The following RSL1D1 variants were observed in gnomAD, a reference collection of about 807,000 sequenced individuals.
RSL1D1 encodes ribosomal L1 domain-containing protein 1.
Under a neutral mutation model 44.6 loss-of-function variants are expected in RSL1D1, and 34 were observed. The ratio of observed to expected loss-of-function variants is 0.76; its 90% CI spans 0.58 to 1.02. The LOEUF (loss-of-function observed/expected upper bound fraction) is 1.02. RSL1D1 is among the 50% of genes least tolerant of loss of function. The pLI, the probability that RSL1D1 is intolerant of heterozygous loss-of-function variation, is 0.00. For synonymous variants in RSL1D1, 271 were observed against 207.4 expected (o/e 1.31, Z -2.63); for missense variants, 767 against 568.1 (o/e 1.35, Z -3.56).
Position 11,836,008 on chromosome 16 carries a change from G to A in RSL1D1, c.*1779C>T, listed in dbSNP as rs530035911. ...GAATGTCTAGACTTGCTGGCTCCTT[G>A]CTCTCCCAGGATCGACTGTAACTTG... On this transcript the variant is annotated 3_prime_UTR_variant, in exon 9 of 9. Coordinates refer to ENST00000571133, the MANE Select transcript of RSL1D1 (RefSeq NM_015659.3). 14 of 152,238 alleles carry A rather than the reference G, an allele frequency of 9.2e-5. No individual in the cohort carries two copies. The highest frequency in any genetic ancestry group is 3.4e-4 in the African/African-American group (14 of 41,552). 9.4% of individuals were successfully genotyped at this position (152,238 alleles called of 1,614,324 possible).
intron 5 of RSL1D1, among the ~76,000 whole-genome samples, chr16:11,844,194 G>T (rs373023124): frequency 3.3e-5 from 5 of 152,228 alleles, no homozygotes; most frequent in Middle Eastern, 3.4e-3. Context: ...GAAAGATGGT[G>T]GGGGGGAAGA....
intron 5 of RSL1D1, among the ~76,000 whole-genome samples, chr16:11,842,875 C>T (rs535274880): frequency 7.2e-5 from 11 of 151,740 alleles, no homozygotes; most frequent in African/African-American, 2.7e-4. Context: ...CCTGCCTCAG[C>T]CTCCCTAGTA....
Position 11,840,424 on chromosome 16 carries a change from G to C in RSL1D1, c.856-439C>G, listed in dbSNP as rs544560952. Among the ~76,000 whole-genome samples the C allele has an allele frequency of 4.6e-5, 7 of 152,156 alleles. No individual in the cohort carries two copies. The South Asian group carries it at 1.5e-3, about 32-fold the overall frequency. On this transcript the variant is annotated intron_variant, in intron 7 of 8. Coordinates refer to ENST00000571133, the MANE Select transcript of RSL1D1 (RefSeq NM_015659.3). ...CTATTAAAACCACAAAAATTAGCTG[G>C]GCATGGTGATACGTGCCTGTAGTTC...
intron 2 of RSL1D1, 62 bp from the exon 3 acceptor site, chr16:11,847,868 TCA>T: frequency 6.7e-7 from 1 of 1,485,358 alleles, no homozygotes; most frequent in South Asian, 1.2e-5. Flanking sequence ...CATGTTTGTA[TCA>T]CACAGAATAC....
chr16:11,834,592 A>C lies in RSL1D1; in HGVS notation c.*3195T>G, dbSNP rs988461089. 2.6e-5 allele frequency: 4 copies of C among 152,216 alleles called. No individual in the cohort carries two copies. The highest frequency in any genetic ancestry group is 5.9e-5 in the Non-Finnish European group (4 of 68,042). 9.4% of individuals were successfully genotyped at this position (152,216 alleles called of 1,614,324 possible). A position where few individuals can be genotyped will look rare whatever the true frequency, so the allele number is the denominator to read the frequency against. On this transcript the variant is annotated 3_prime_UTR_variant, in exon 9 of 9. Transcript: ENST00000571133. ...GCAGAGAACAGACTGGCACGATTAC[A>C]TATGTGGGTTTGTCCTACACAAACC...
At chr16:11,841,860 T>C (rs201155386) in intron 6 of RSL1D1, 40 bp from the exon 7 acceptor site, 5 of 1,612,010 alleles carry the variant, frequency 3.1e-6, no homozygotes, top group African/African-American at 1.3e-5. Context: ...ACATATACTT[T>C]GTTTCTTTTA....
At position 11,834,817 on chromosome 16, in the gene RSL1D1, T is replaced by C. The variant is rs2053705504; in HGVS notation, c.*2970A>G. 1 of 152,234 alleles carries C rather than the reference T, an allele frequency of 6.6e-6. No individual in the cohort carries two copies. Among genetic ancestry groups the C allele is most frequent in the East Asian group, 1.9e-4 (1 of 5,200 alleles). The allele number at this position is 152,234 out of a possible 1,614,324, so 9.4% of individuals were successfully genotyped here. ...AAGTTAACATTACAATTTGTGTTACTAAAATGCAAAAACAGGATTGGCATG... is the reference window on the plus strand; with the variant it reads ...AAGTTAACATTACAATTTGTGTTACCAAAATGCAAAAACAGGATTGGCATG... On this transcript the variant is annotated 3_prime_UTR_variant, in exon 9 of 9. Transcript: ENST00000571133.
intron 1 of RSL1D1, 194 bp downstream of exon 1, chr16:11,851,214 G>T: frequency 1.6e-6 from 1 of 640,632 alleles, no homozygotes; most frequent in Non-Finnish European, 2.8e-6. Flanking sequence ...ACTAGCGCCA[G>T]GCCGCAGGAC....
intron 5 of RSL1D1, among the ~76,000 whole-genome samples, chr16:11,842,800 G>A (rs1438293850): frequency 6.6e-6 from 1 of 151,810 alleles, no homozygotes; most frequent in Non-Finnish European, 1.5e-5. Context: ...CTGTCGCCCA[G>A]GCTGAAGTGC....
chr16:11,846,409 A>G (rs2053798803), intron 5 of RSL1D1, 92 bp downstream of exon 5: 6 of 775,350 alleles, frequency 7.7e-6, no homozygotes, highest in South Asian at 3.6e-5. Context: ...AAAAAAAACA[A>G]AAACAAAAAA....
Position 11,841,619 on chromosome 16 carries a change from A to G in RSL1D1, c.855+76T>C, listed in dbSNP as rs1182206359. ...ATAACTGAAAAGTCGGGCAGCGATG[A>G]TGGTCTACTTCTCTCCTAGTGACTG... On this transcript the variant is annotated intron_variant, in intron 7 of 8. Coordinates refer to ENST00000571133, the MANE Select transcript of RSL1D1 (RefSeq NM_015659.3). 2.5e-5 allele frequency: 34 copies of G among 1,369,312 alleles called. No homozygotes were observed. In the Admixed American group the frequency reaches 7.0e-4, roughly 28 times the overall value. The allele number at this position is 1,369,312 out of a possible 1,614,324, so 84.8% of individuals were successfully genotyped here.
At chr16:11,846,647 C>T (rs1219059367) in intron 4 of RSL1D1, 45 bp from the exon 5 acceptor site, 3 of 1,609,674 alleles carry the variant, frequency 1.9e-6, no homozygotes, top group South Asian at 2.2e-5. Context: ...TGCATACACA[C>T]CTAGAAGCTT....
intron 3 of RSL1D1, 94 bp from the exon 4 acceptor site, chr16:11,846,937 T>A: frequency 8.9e-7 from 1 of 1,128,664 alleles, no homozygotes; most frequent in Admixed American, 2.0e-5. Flanking sequence ...GATTTAAAAA[T>A]GTCCTAGAGC....
In RSL1D1 at chr16:11,835,661, T is replaced by C. The variant is rs2053711185; in HGVS notation, c.*2126A>G. 1 of 152,220 alleles carries C rather than the reference T, an allele frequency of 6.6e-6. No individual in the cohort carries two copies. The highest frequency in any genetic ancestry group is 1.5e-5 in the Non-Finnish European group (1 of 68,072). The allele number at this position is 152,220 out of a possible 1,614,324, so 9.4% of individuals were successfully genotyped here. On this transcript the variant is annotated 3_prime_UTR_variant, in exon 9 of 9. Coordinates refer to ENST00000571133, the MANE Select transcript of RSL1D1 (RefSeq NM_015659.3). ...GGCATGTTCCACCACACCCAGCTTA[T>C]TTTTGGTAAAGATGGGGTTTTGCCA...
intron 1 of RSL1D1, among the ~76,000 whole-genome samples, 163 bp from the exon 2 acceptor site, chr16:11,850,581 TAGG>T (rs927498465): frequency 1.7e-4 from 26 of 152,304 alleles, no homozygotes; most frequent in African/African-American, 5.1e-4. Flanking sequence ...CCGTATCTAT[TAGG>T]ATCCTGCAGT....
chr16:11,840,752 C>T (rs948891701), intron 7 of RSL1D1, among the ~76,000 whole-genome samples: 3 of 152,088 alleles, frequency 2.0e-5, no homozygotes, highest in Admixed American at 6.6e-5. Flanking sequence ...GCATAACCTC[C>T]GACATCCAAA....
rs780538952 is a variant in RSL1D1, at chr16:11,834,674, T to C, written c.*3113A>G. 2.0e-5 allele frequency: 3 copies of C among 152,224 alleles called. No homozygotes were observed. Among genetic ancestry groups the C allele is most frequent in the Admixed American group, 6.5e-5 (1 of 15,282 alleles). 9.4% of individuals were successfully genotyped at this position (152,224 alleles called of 1,614,324 possible). The stretch of plus-strand genomic sequence containing the variant: ...ATCTTCCCATAAAACCTAGTTTCTA[T>C]GGAAAACAATCAATTAAGCTAAACC... On this transcript the variant is annotated 3_prime_UTR_variant, in exon 9 of 9. Transcript: ENST00000571133.
chr16:11,843,420 T>C (rs976206130), intron 5 of RSL1D1, among the ~76,000 whole-genome samples: 2 of 151,750 alleles, frequency 1.3e-5, no homozygotes, highest in African/African-American at 2.4e-5. Context: ...GTTAGGCGCA[T>C]TGGGAGGCAG....
rs570052197 is a variant in RSL1D1 at position 11,846,842 on chromosome 16, A to T, written c.386T>A (p.Ile129Asn). ...CTTCTTTAGAGTTTGGAGGGAGATAATCTAGGAAGTATAGAGAAGAATAAA... is the reference window on the plus strand; with the variant it reads ...CTTCTTTAGAGTTTGGAGGGAGATATTCTAGGAAGTATAGAGAAGAATAAA... ...NKHGIKTVSQIISLQTLKKEY... is the reference protein window; with the variant it reads ...NKHGIKTVSQNISLQTLKKEY... Residue 129 changes from isoleucine to asparagine, a missense_variant and splice_region_variant, in exon 4 of 9, where the codon ATT (isoleucine) becomes AAT (asparagine). By Grantham distance (149) the Ile-to-Asn change is moderately radical. Transcript: ENST00000571133. 6.2e-7 allele frequency: 1 copy of T among 1,604,296 alleles called. No homozygotes were observed. Among genetic ancestry groups the T allele is most frequent in the African/African-American group, 1.3e-5 (1 of 74,858 alleles).
Sources: gnomAD v4.1 joint callset for allele counts (sites outside exome capture counted in the v4.1 genomes callset) on GRCh38, gnomAD v4.1.1 for gene constraint, MANE v1.5 for transcripts, NCBI Gene and HGNC (gene_info 2026-07-23, HGNC 2026-07-21) for gene names.